Variants in UBR4 observed in about 807,000 individuals in gnomAD.
UBR4 encodes E3 ubiquitin-protein ligase UBR4.
UBR4 carries 124 observed loss-of-function variants against 575.6 expected under a neutral mutation model. The ratio of observed to expected loss-of-function variants is 0.22; its 90% CI spans 0.19 to 0.25. The LOEUF is 0.25. Among genes scored for constraint, UBR4 ranks in the 10% least tolerant of loss-of-function variants. The pLI is 1.00. For synonymous variants in UBR4, 2,455 were observed against 2,473.7 expected (o/e 0.99, Z 0.22); for missense variants, 4,818 against 6,478.8 (o/e 0.74, Z 8.80).
rs746278505 is a variant in UBR4, at chr1:19,127,754, G to C, written c.9112-15C>G. 2 of 1,607,704 alleles carry C rather than the reference G, an allele frequency of 1.2e-6. No individual in the cohort carries two copies. Among genetic ancestry groups the C allele is most frequent in the Non-Finnish European group, 1.7e-6 (2 of 1,174,296 alleles). On this transcript the variant is annotated splice_polypyrimidine_tract_variant and intron_variant, in intron 62 of 105. Coordinates refer to ENST00000375254, the MANE Select transcript of UBR4 (RefSeq NM_020765.3). ...TTGGAGACATCCTGCAGGCCAAAGCGTAAGTCCAGAAACCTCTACTTACTC... is the reference window on the plus strand; with the variant it reads ...TTGGAGACATCCTGCAGGCCAAAGCCTAAGTCCAGAAACCTCTACTTACTC...
chr1:19,147,475 T>C (rs2085029173), intron 51 of UBR4, among the ~76,000 whole-genome samples: 1 of 152,186 alleles, frequency 6.6e-6, no homozygotes, highest in South Asian at 2.1e-4. Context: ...GTCTGAACTC[T>C]CATCTTTTCC....
In UBR4 at chr1:19,204,535, A is replaced by AAT. The variant is rs34722359; in HGVS notation, c.177-2722_177-2721dup. On this transcript the variant is annotated intron_variant, in intron 1 of 105. Coordinates refer to ENST00000375254, the MANE Select transcript of UBR4 (RefSeq NM_020765.3). ...TCTGATAATGAAATATATAAAAAAA[A>AAT]ATATATATATATATAGGAGTAAACT... 1.6e-3 allele frequency among the ~76,000 whole-genome samples: 239 copies of AAT among 150,182 alleles called. 2 individuals carry two copies. The highest frequency in any genetic ancestry group is 1.9e-3 in the Non-Finnish European group (125 of 67,496).
chr1:19,081,371 C>A lies in UBR4; in HGVS notation c.15211G>T (p.Val5071Leu), dbSNP rs372658297. ...RLLVTSQARA[V>L]APGGATRLTD... is the part of the protein sequence containing the mutation. Reference sequence around the variant, plus strand: ...GACCTGGTGGCTCCACCTGGAGCCACTGCCCGAGCCTGCGAGGTCACCAAC... The same window carrying A: ...GACCTGGTGGCTCCACCTGGAGCCAATGCCCGAGCCTGCGAGGTCACCAAC... Residue 5071 changes from valine to leucine, a missense_variant, in exon 103 of 106, where the codon GTG becomes TTG. Val to Leu is a conservative substitution (Grantham distance 32). This residue lies in a region of UBR4 where 212 missense variants were observed against 221.3 expected (regional missense o/e 0.96). Transcript: ENST00000375254. 8 of 1,606,236 alleles carry A rather than the reference C, an allele frequency of 5.0e-6. No individual in the cohort carries two copies. The highest frequency in any genetic ancestry group is 6.8e-6 in the Non-Finnish European group (8 of 1,176,060).
At position 19,115,536 on chromosome 1, in the gene UBR4, A is replaced by G. The variant is rs760112666; in HGVS notation, c.10925T>C (p.Ile3642Thr). The G allele has an allele frequency of 5.0e-6, 8 of 1,614,068 alleles. No individual in the cohort carries two copies. The East Asian group carries it at 6.7e-5, about 13-fold the overall frequency. Reference protein sequence around the residue: ...PLPIVASNLMIEFADFYENYQ... With the variant: ...PLPIVASNLMTEFADFYENYQ... ...GTTTTCATAGAAGTCTGCAAACTCA[A>G]TCATCAGATTGGAGGCCACAATGGG... Residue 3642 changes from isoleucine (I) to threonine (T), a missense_variant, in exon 74 of 106, where the codon ATT becomes ACT. Transcript: ENST00000375254.
In UBR4 at chr1:19,197,829, A is replaced by G. The variant is rs2092550962; in HGVS notation, c.752-18T>C. 3.7e-6 allele frequency: 6 copies of G among 1,613,794 alleles called. No individual in the cohort carries two copies. The South Asian group carries it at 5.5e-5, about 15-fold the overall frequency. On this transcript the variant is annotated intron_variant, in intron 6 of 105. Coordinates refer to ENST00000375254, the MANE Select transcript of UBR4 (RefSeq NM_020765.3). ...CGAGCCACCTAAATGAATGAAAACCACAACCTTACAAACAGGCCTTTGTCT... is the reference window on the plus strand; with the variant it reads ...CGAGCCACCTAAATGAATGAAAACCGCAACCTTACAAACAGGCCTTTGTCT...
intron 73 of UBR4, 137 bp from the exon 74 acceptor site, chr1:19,115,774 TATAATAGGAAGCCAGTTTTA>T: frequency 7.3e-7 from 1 of 1,375,946 alleles, no homozygotes; most frequent in Non-Finnish European, 9.8e-7. Flanking sequence ...AAATCTGGCA[TATAATAGGAAGCCAGTTTTA>T]AAAAAGTTTT....
chr1:19,135,107 A>G (rs6426714), intron 60 of UBR4, among the ~76,000 whole-genome samples: 94,957 of 152,016 alleles, frequency 0.62, 30,025 homozygotes, highest in East Asian at 0.8. Context: ...TATAAGATCA[A>G]GTCAAGATTC....
intron 8 of UBR4, among the ~76,000 whole-genome samples, chr1:19,194,968 T>TAAATAAATAAATA (rs751142622): frequency 7.9e-5 from 12 of 151,262 alleles, no homozygotes; most frequent in Non-Finnish European, 1.5e-4. Context: ...AATAAATAAA[T>TAAATAAATAAATA]AATGAAATCT....
In UBR4 at chr1:19,144,866, T is replaced by C; in HGVS notation, c.7987A>G (p.Ile2663Val). The C allele has an allele frequency of 6.2e-7, 1 of 1,614,164 alleles. No homozygotes were observed. The highest frequency in any genetic ancestry group is 8.5e-7 in the Non-Finnish European group (1 of 1,180,014). Residue 2663 changes from isoleucine to valine, a missense_variant, in exon 54 of 106, where the codon ATC becomes GTC. Physicochemically the swap from Ile to Val is conservative, Grantham distance 29. Coordinates refer to ENST00000375254, the MANE Select transcript of UBR4 (RefSeq NM_020765.3). ...TCACAGGTACAGTAGCCATGGATGATGTCCACCAGAGCATTGACAGTAGCT... is the reference window on the plus strand; with the variant it reads ...TCACAGGTACAGTAGCCATGGATGACGTCCACCAGAGCATTGACAGTAGCT... ...IEATVNALVD[I>V]IHGYCTCELD...
intron 97 of UBR4, among the ~76,000 whole-genome samples, chr1:19,090,399 G>T (rs1376059298): frequency 6.6e-6 from 1 of 152,132 alleles, no homozygotes; most frequent in African/African-American, 2.4e-5. Context: ...CCTCTTCTGG[G>T]AGAAAGAACA....
chr1:19,126,461 G>A lies in UBR4; in HGVS notation c.9423C>T (p.Leu3141=). ...SSPPDMSPFF[L]RQYVKGHAAD... Reference sequence around the variant, plus strand: ...AAGATCTCACCTTCACATACTGGCGGAGAAAGAATGGGCTCATGTCAGGTG... The same window carrying A: ...AAGATCTCACCTTCACATACTGGCGAAGAAAGAATGGGCTCATGTCAGGTG... Residue 3141 remains leucine (L), a synonymous_variant, in exon 64 of 106, where the codon CTC becomes CTT. Coordinates refer to ENST00000375254, the MANE Select transcript of UBR4 (RefSeq NM_020765.3). 2 of 1,614,170 alleles carry A rather than the reference G, an allele frequency of 1.2e-6. No individual in the cohort carries two copies. The highest frequency in any genetic ancestry group is 1.7e-5 in the Admixed American group (1 of 60,022).
chr1:19,193,606 C>T (rs919819634), intron 8 of UBR4, 49 bp from the exon 9 acceptor site: 1 of 1,551,682 alleles, frequency 6.4e-7, no homozygotes, highest in Non-Finnish European at 8.7e-7. Context: ...ATCCAAGAAT[C>T]CACCAAAGCT....
intron 55 of UBR4, among the ~76,000 whole-genome samples, chr1:19,143,248 A>C (rs1172748143): frequency 7.2e-6 from 1 of 138,030 alleles, no homozygotes; most frequent in Non-Finnish European, 1.6e-5. Flanking sequence ...GGAAGGAAGG[A>C]AGGAAGGAAG....
intron 8 of UBR4, among the ~76,000 whole-genome samples, chr1:19,196,059 T>A (rs575121491): frequency 5.3e-5 from 8 of 151,940 alleles, no homozygotes; most frequent in Admixed American, 5.2e-4. Context: ...GGATACGTTT[T>A]GTCTGCTTCT....
intron 101 of UBR4, among the ~76,000 whole-genome samples, 169 bp from the exon 102 acceptor site, chr1:19,084,867 G>A (rs184481410): frequency 3.4e-4 from 52 of 152,320 alleles, no homozygotes; most frequent in Non-Finnish European, 1.8e-4. Flanking sequence ...CCAGCAGGAC[G>A]ACAAGGCCAT....
At chr1:19,095,074 T>C in intron 93 of UBR4, 49 bp from the exon 94 acceptor site, 4 of 1,613,572 alleles carry the variant, frequency 2.5e-6, no homozygotes, top group Non-Finnish European at 3.4e-6. Context: ...CCACAGCCAC[T>C]AACTGCTGAG....
intron 1 of UBR4, among the ~76,000 whole-genome samples, chr1:19,206,008 T>C (rs1249048220): frequency 6.6e-6 from 1 of 152,244 alleles, no homozygotes; most frequent in Non-Finnish European, 1.5e-5. Flanking sequence ...AGGAATTATC[T>C]GTACCTTAAC....
chr1:19,154,792 GA>G (rs2086223883), intron 44 of UBR4, 125 bp downstream of exon 44: 16 of 1,377,528 alleles, frequency 1.2e-5, no homozygotes, highest in Non-Finnish European at 1.5e-5. Context: ...TAGCAGGGGA[GA>G]AAAAAAGGTT....
chr1:19,126,697 T>C (rs752859986), intron 63 of UBR4, 42 bp from the exon 64 acceptor site: 5 of 1,599,266 alleles, frequency 3.1e-6, no homozygotes, highest in Non-Finnish European at 4.3e-6. Context: ...GAATGGCTTG[T>C]AAAAACAATG....
Sources: allele counts gnomAD v4.1 joint callset (sites outside exome capture counted in the v4.1 genomes callset), GRCh38; gene constraint gnomAD v4.1.1; regional missense constraint gnomAD v4.1.1; transcripts MANE v1.5; gene names NCBI Gene and HGNC (gene_info 2026-07-23, HGNC 2026-07-21).